Variants in FBXW9 observed in about 807,000 individuals in gnomAD.
FBXW9 encodes the protein F-box and WD repeat domain containing 9.
FBXW9 carries 38 observed loss-of-function variants against 55.8 expected under a neutral mutation model. That is an observed-to-expected ratio of 0.68 (90% CI 0.53 to 0.89). FBXW9 has a LOEUF of 0.89. FBXW9 is among the 40% of genes least tolerant of loss of function. The pLI, the probability that FBXW9 is intolerant of heterozygous loss-of-function variation, is 0.00. For synonymous variants in FBXW9, 289 were observed against 278.2 expected, an observed-to-expected ratio of 1.04 and a Z score of -0.38; for missense variants, 590 against 619.4, an observed-to-expected ratio of 0.95 and a Z score of 0.50.
intron 1 of FBXW9, among the ~76,000 whole-genome samples, chr19:12,695,415 C>T (rs1599397607): frequency 6.6e-6 from 1 of 152,150 alleles, no homozygotes; most frequent in Non-Finnish European, 1.5e-5. Flanking sequence ...GTGATATGGA[C>T]GGGGTCCAAG....
intron 3 of FBXW9, among the ~76,000 whole-genome samples, chr19:12,692,647 G>A (rs2025023124): frequency 1.3e-5 from 2 of 150,884 alleles, no homozygotes; most frequent in African/African-American, 2.4e-5. Flanking sequence ...TCGGCCTCCC[G>A]AGTCGCTGGG....
At chr19:12,690,426 C>T (rs1167311307) in intron 5 of FBXW9, among the ~76,000 whole-genome samples, 2 of 152,230 alleles carry the variant, frequency 1.3e-5, no homozygotes, top group Non-Finnish European at 2.9e-5. Context: ...CATGCCTATC[C>T]CGCAGCCCCG....
rs758409762 is a variant in FBXW9 at position 12,689,039 on chromosome 19, T to G, written c.*177A>C. 1.4e-6 allele frequency: 1 copy of G among 713,598 alleles called. No homozygotes were observed. The highest frequency in any genetic ancestry group is 1.5e-5 in the South Asian group (1 of 67,184). 44.2% of individuals were successfully genotyped at this position (713,598 alleles called of 1,614,324 possible). On this transcript the variant is annotated 3_prime_UTR_variant, in exon 10 of 10. Coordinates refer to ENST00000393261, the MANE Select transcript of FBXW9 (RefSeq NM_032301.3). This position sits in a 1 kb window ranked among gnomAD's most constrained non-coding sequence, Gnocchi z 5.9. ...CCCCCTGGGTGGGCCTGAACCCCAATTTCACCCTTCCCCCGGGCATAGGGC... is the reference window on the plus strand; with the variant it reads ...CCCCCTGGGTGGGCCTGAACCCCAAGTTCACCCTTCCCCCGGGCATAGGGC...
chr19:12,692,490 T>C lies in FBXW9; in HGVS notation c.679-1036A>G, dbSNP rs554536461. Among the ~76,000 whole-genome samples the C allele has an allele frequency of 1.3e-4, 20 of 150,978 alleles. 1 individual carries two copies. In the South Asian group the frequency reaches 4.0e-3, roughly 30 times the overall value. On this transcript the variant is annotated intron_variant, in intron 3 of 9. Coordinates refer to ENST00000393261, the MANE Select transcript of FBXW9 (RefSeq NM_032301.3). ...ATCCGCCTGCCTTAGCCTCCCAAAG[T>C]GCTGGGATTACAGGCGTGAGCCACT...
chr19:12,693,046 G>A (rs10402775), intron 3 of FBXW9, among the ~76,000 whole-genome samples: 1,653 of 152,172 alleles, frequency 0.011, 33 homozygotes, highest in African/African-American at 0.036. Flanking sequence ...CACCAATCCC[G>A]CTGAGGAGGG....
rs1377645129 is a variant in FBXW9 at position 12,693,520 on chromosome 19, AAAAAAAAAAATAT to A, written c.678+1061_678+1073del. Among the ~76,000 whole-genome samples the A allele has an allele frequency of 1.5e-4, 5 of 33,294 alleles. 1 individual carries two copies. Among genetic ancestry groups the A allele is most frequent in the African/African-American group, 6.0e-4 (5 of 8,370 alleles). 21.8% of individuals were successfully genotyped at this position (33,294 alleles called of 152,430 possible). A position where few individuals can be genotyped will look rare whatever the true frequency, so the allele number is the denominator to read the frequency against. On this transcript the variant is annotated intron_variant, in intron 3 of 9. Transcript: ENST00000393261. Reference sequence around the variant, plus strand: ...CTAAAGGAAAAAAAAAAAAAAAAAAAAAAAAAAAAATATATATATATATATATATATATATATA... The same window carrying A: ...CTAAAGGAAAAAAAAAAAAAAAAAAAATATATATATATATATATATATATA...
At chr19:12,693,410 G>A (rs936296913) in intron 3 of FBXW9, among the ~76,000 whole-genome samples, 2 of 142,196 alleles carry the variant, frequency 1.4e-5, no homozygotes, top group African/African-American at 5.2e-5. Flanking sequence ...TGTAATCCTA[G>A]CATTTTGGAA....
In FBXW9 at chr19:12,696,333, G is replaced by A; in HGVS notation, c.249C>T (p.Pro83=). 1 of 1,595,372 alleles carries A rather than the reference G, an allele frequency of 6.3e-7. No individual in the cohort carries two copies. The highest frequency in any genetic ancestry group is 8.5e-7 in the Non-Finnish European group (1 of 1,171,794). ...AGCAGATCTCGAGCAGCAGCTCCGG[G>A]GGAAGGCTCAGAAGGCCCGGCTCAC... is the stretch of plus-strand genomic sequence containing the variant. ...AVSEPGLLSL[P]PELLLEICSY... Residue 83 remains proline, a synonymous_variant, in exon 1 of 10, where the codon CCC becomes CCT. Transcript: ENST00000393261.
chr19:12,696,214 C>T lies in FBXW9; in HGVS notation c.368G>A (p.Arg123His). 6.4e-7 allele frequency: 1 copy of T among 1,553,048 alleles called. No individual in the cohort carries two copies. The highest frequency in any genetic ancestry group is 8.7e-7 in the Non-Finnish European group (1 of 1,150,148). ...LVSDHVTWRL[R>H]ALRRVRAPYP... ...GGGCGCGCGTACGCGGCGTAGCGCG[C>T]GTAGCCTCCAGGTGACATGGTCAGA... Residue 123 changes from arginine (R) to histidine (H), a missense_variant, in exon 1 of 10, where the codon CGC becomes CAC. By Grantham distance (29) the Arg-to-His change is conservative. Transcript: ENST00000393261.
In FBXW9 at chr19:12,694,920, G is replaced by A. The variant is rs754626651; in HGVS notation, c.428C>T (p.Pro143Leu). 1.3e-5 allele frequency: 21 copies of A among 1,613,524 alleles called. No individual in the cohort carries two copies. The East Asian group carries it at 1.6e-4, about 12-fold the overall frequency. Residue 143 changes from proline to leucine, a missense_variant, in exon 2 of 10, where the codon CCG becomes CTG. Transcript: ENST00000393261. The stretch of plus-strand genomic sequence containing the variant: ...CTGCTCCAGCGCAATGCAGGCTGCC[G>A]GCCAGTCAAAGTTCTTCTCTGTGGG... ...PVVEEKNFDWPAACIALEQHL... is the reference protein window; with the variant it reads ...PVVEEKNFDWLAACIALEQHL...
chr19:12,692,119 G>GTA (rs1236048999), intron 3 of FBXW9, among the ~76,000 whole-genome samples: 5 of 151,468 alleles, frequency 3.3e-5, no homozygotes, highest in Admixed American at 2.0e-4. Context: ...GAATGCAGTG[G>GTA]TGCGATCATG....
At chr19:12,690,750 C>A (rs899587794) in intron 5 of FBXW9, among the ~76,000 whole-genome samples, 1 of 152,188 alleles carries the variant, frequency 6.6e-6, no homozygotes, top group African/African-American at 2.4e-5. Flanking sequence ...GAAACCTTGT[C>A]TCTACTGCCT....
intron 3 of FBXW9, 86 bp from the exon 4 acceptor site, chr19:12,691,540 C>G: frequency 8.6e-7 from 1 of 1,163,272 alleles, no homozygotes; most frequent in Non-Finnish European, 1.2e-6. Flanking sequence ...AGGTAAGGCT[C>G]AGAGAGGTCA....
intron 3 of FBXW9, among the ~76,000 whole-genome samples, chr19:12,693,063 T>C (rs2025026421): frequency 6.6e-6 from 1 of 152,124 alleles, no homozygotes; most frequent in South Asian, 2.1e-4. Flanking sequence ...AGGGCAATAT[T>C]GTGTATCTCA....
chr19:12,691,760 C>A (rs1271720885), intron 3 of FBXW9, among the ~76,000 whole-genome samples: 2 of 147,836 alleles, frequency 1.4e-5, no homozygotes, highest in Non-Finnish European at 3.0e-5. Flanking sequence ...CACCCAGAAA[C>A]TTTTTTTTTT....
In FBXW9 at chr19:12,694,721, C is replaced by T. The variant is rs1281785623; in HGVS notation, c.551G>A (p.Gly184Asp). The part of the protein sequence containing the change: ...ASVDSVLLLQ[G>D]GSLCLSGSRD... ...GGAGCCCGACAGACAGAGTGACCCA[C>T]CCTGGAAAGGGAGCAAGGTGATGTT... is the stretch of plus-strand genomic sequence containing the variant. Residue 184 changes from glycine (G) to aspartate (D), a missense_variant and splice_region_variant, in exon 3 of 10, where the codon GGT becomes GAT. Gly to Asp is a moderately conservative substitution (Grantham distance 94, BLOSUM62 -1). Coordinates refer to ENST00000393261, the MANE Select transcript of FBXW9 (RefSeq NM_032301.3). 1 of 1,614,218 alleles carries T rather than the reference C, an allele frequency of 6.2e-7. No homozygotes were observed. Among genetic ancestry groups the T allele is most frequent in the Admixed American group, 1.7e-5 (1 of 60,026 alleles).
rs1480428775 is a variant in FBXW9 at position 12,689,099 on chromosome 19, C to A, written c.*117G>T. ...GACGCTCACCCGAATGTGGCTGGGA[C>A]TCCTTGTGCCCTAGGCCCACGGGGC... On this transcript the variant is annotated 3_prime_UTR_variant, in exon 10 of 10. Coordinates refer to ENST00000393261, the MANE Select transcript of FBXW9 (RefSeq NM_032301.3). This position sits in a 1 kb window ranked among gnomAD's most constrained non-coding sequence, Gnocchi z 5.9. 2 of 865,192 alleles carry A rather than the reference C, an allele frequency of 2.3e-6. No homozygotes were observed. The highest frequency in any genetic ancestry group is 3.9e-6 in the Non-Finnish European group (2 of 517,190). 53.6% of individuals were successfully genotyped at this position (865,192 alleles called of 1,614,324 possible).
At chr19:12,693,915 C>A (rs1398512888) in intron 3 of FBXW9, among the ~76,000 whole-genome samples, 1 of 150,676 alleles carries the variant, frequency 6.6e-6, no homozygotes, top group Non-Finnish European at 1.5e-5. Flanking sequence ...TAAATAAAGG[C>A]CAGGTGACTC....
chr19:12,694,810 G>A lies in FBXW9; in HGVS notation c.538C>T (p.Leu180=). Residue 180 remains leucine (L), a synonymous_variant, in exon 2 of 10, where the codon CTG becomes TTG. Transcript: ENST00000393261. ...EGHVASVDSV[L]LLQGGSLCLS... The stretch of plus-strand genomic sequence containing the variant: ...AGACCCCGTCTCACCTGGAGCAGCA[G>A]CACTGAGTCAACGGAAGCCACGTGG... 6.2e-7 allele frequency: 1 copy of A among 1,614,108 alleles called. No homozygotes were observed. Among genetic ancestry groups the A allele is most frequent in the Non-Finnish European group, 8.5e-7 (1 of 1,180,006 alleles).
Sources: gnomAD v4.1 joint callset for allele counts (sites outside exome capture counted in the v4.1 genomes callset) on GRCh38, gnomAD v4.1.1 for gene constraint, Gnocchi (gnomAD v3.1) non-coding constraint, MANE v1.5 for transcripts, NCBI Gene and HGNC (gene_info 2026-07-23, HGNC 2026-07-21) for gene names.